PKD1L1: variants seen among roughly 807,000 people sequenced by gnomAD.
PKD1L1 encodes polycystin-1-like protein 1.
Under a neutral mutation model 323.4 loss-of-function variants are expected in PKD1L1, and 236 were observed. The ratio of observed to expected loss-of-function variants is 0.73; its 90% CI spans 0.66 to 0.81. The LOEUF (loss-of-function observed/expected upper bound fraction) is 0.81. Among genes scored for constraint, PKD1L1 ranks in the 40% least tolerant of loss-of-function variants. PKD1L1 has a pLI of 0.00. For missense variants in PKD1L1, 3,320 were observed against 3,508.0 expected (o/e 0.95, Z 1.35); for synonymous variants, 1,344 against 1,335.0 (o/e 1.01, Z -0.15).
Position 47,908,244 on chromosome 7 carries a change from A to C in PKD1L1, c.1235T>G (p.Val412Gly). 6.2e-7 allele frequency: 1 copy of C among 1,611,154 alleles called. No individual in the cohort carries two copies. The highest frequency in any genetic ancestry group is 8.5e-7 in the Non-Finnish European group (1 of 1,178,896). The change falls in exon 9 of 57, where the codon GTC becomes GGC. Residue 412 changes from valine to glycine, a missense_variant. Physicochemically the swap from Val to Gly is moderately radical, Grantham distance 109 (BLOSUM62 -3). Transcript: ENST00000289672. ...ELISAFVTKG[V>G]YMLKAVIYNE... ...ATAAATAACAGCCTTGAGCATATAG[A>C]CTCCTTCTGGAAAAATAAGAATGAA...
At chr7:47,941,141 C>A (rs889259672) in intron 2 of PKD1L1, among the ~76,000 whole-genome samples, 3 of 152,226 alleles carry the variant, frequency 2.0e-5, no homozygotes, top group Admixed American at 6.5e-5. Context: ...CCCTCTCATC[C>A]CCAGGTAGGA....
rs1554412801 is a variant in PKD1L1 at position 47,920,300 on chromosome 7, A to AAAC, written c.1061-4702_1061-4701insGTT. Among the ~76,000 whole-genome samples, 5 of 135,250 alleles carry AAAC rather than the reference A, an allele frequency of 3.7e-5. No homozygotes were observed. In the East Asian group the frequency reaches 9.8e-4, roughly 26 times the overall value. The allele number at this position is 135,250 out of a possible 152,430, so 88.7% of individuals were successfully genotyped here. ...AAACCAAAACAAACAAACAAAAACA[A>AAAC]AAAAAAAAAACCACTTAGGAATATA... On this transcript the variant is annotated intron_variant, in intron 7 of 56. Coordinates refer to ENST00000289672, the MANE Select transcript of PKD1L1 (RefSeq NM_138295.5).
intron 8 of PKD1L1, among the ~76,000 whole-genome samples, chr7:47,910,759 C>T (rs952752719): frequency 1.3e-5 from 2 of 151,482 alleles, no homozygotes; most frequent in Admixed American, 6.6e-5. Flanking sequence ...TGGATTCAAG[C>T]GATTCTCCTG....
At chr7:47,796,234 G>A (rs1444507718) in intron 54 of PKD1L1, 84 bp from the exon 55 acceptor site, 2 of 1,231,230 alleles carry the variant, frequency 1.6e-6, no homozygotes, top group Admixed American at 2.7e-5. Context: ...CTATGCAATG[G>A]AGATTATATC....
At chr7:47,864,759 C>T (rs1583630671) in intron 26 of PKD1L1, among the ~76,000 whole-genome samples, 1 of 137,402 alleles carries the variant, frequency 7.3e-6, no homozygotes, top group East Asian at 2.6e-4. Context: ...CACTCTGTTG[C>T]CCAGGCTGGA....
chr7:47,822,955 T>C (rs927747748), intron 45 of PKD1L1, among the ~76,000 whole-genome samples: 10 of 97,492 alleles, frequency 1.0e-4, no homozygotes, highest in African/African-American at 4.0e-4. Context: ...CCAGAACCCT[T>C]TTTTTTTTTG....
intron 56 of PKD1L1, among the ~76,000 whole-genome samples, chr7:47,790,646 T>G (rs1214921050): frequency 2.6e-5 from 4 of 152,322 alleles, no homozygotes; most frequent in Admixed American, 2.6e-4. Flanking sequence ...TTAAATAATT[T>G]TAACTCACTT....
At chr7:47,905,714 T>C in intron 10 of PKD1L1, 129 bp downstream of exon 10, 2 of 1,292,130 alleles carry the variant, frequency 1.5e-6, no homozygotes, top group South Asian at 2.8e-5. Context: ...ACAAAGAACC[T>C]GTTCAATGAC....
chr7:47,791,429 C>T (rs1486410749), intron 56 of PKD1L1, among the ~76,000 whole-genome samples: 4 of 148,994 alleles, frequency 2.7e-5, no homozygotes, highest in East Asian at 2.0e-4. Flanking sequence ...GGAGTTCTTT[C>T]ATCTTGGCTT....
intron 28 of PKD1L1, among the ~76,000 whole-genome samples, chr7:47,855,886 A>AAAAAAAAAC (rs1785892517): frequency 6.7e-6 from 1 of 149,812 alleles, no homozygotes; most frequent in African/African-American, 2.5e-5. Context: ...AAAAAAAAAA[A>AAAAAAAAAC]AAAAAAAAAA....
At chr7:47,797,369 A>G (rs886464879) in intron 54 of PKD1L1, among the ~76,000 whole-genome samples, 4 of 152,222 alleles carry the variant, frequency 2.6e-5, no homozygotes, top group Admixed American at 6.5e-5. Flanking sequence ...TGTGTGTGTT[A>G]TCATCTCTTG....
rs549038991 is a variant in PKD1L1 at position 47,808,459 on chromosome 7, C to T, written c.7687-72G>A. The T allele has an allele frequency of 9.4e-5, 147 of 1,571,126 alleles. 1 individual carries two copies. Among genetic ancestry groups the T allele is most frequent in the Admixed American group, 5.4e-4 (31 of 57,836 alleles). ...CTTACCTGGCACCCCATGTGACACG[C>T]GTTTGTAAGTTACAGTCATGAGTCA... is the stretch of plus-strand genomic sequence containing the variant. On this transcript the variant is annotated intron_variant, in intron 51 of 56. Coordinates refer to ENST00000289672, the MANE Select transcript of PKD1L1 (RefSeq NM_138295.5).
At chr7:47,787,231 T>A (rs1446464223) in intron 56 of PKD1L1, among the ~76,000 whole-genome samples, 1 of 152,206 alleles carries the variant, frequency 6.6e-6, no homozygotes, top group South Asian at 2.1e-4. Flanking sequence ...TAAACTCATG[T>A]TGCAGAAACT....
chr7:47,865,601 T>TTTTATTTTATTTTATTTTA (rs1562964560), intron 25 of PKD1L1, among the ~76,000 whole-genome samples: 6 of 57,308 alleles, frequency 1.0e-4, no homozygotes, highest in African/African-American at 8.8e-4. Flanking sequence ...ATTTTATTTT[T>TTTTATTTTATTTTATTTTA]TTGAGACGGA....
chr7:47,865,290 C>A lies in PKD1L1; in HGVS notation c.4093-18G>T, dbSNP rs554348101. On this transcript the variant is annotated intron_variant, in intron 25 of 56. Coordinates refer to ENST00000289672, the MANE Select transcript of PKD1L1 (RefSeq NM_138295.5). Reference sequence around the variant, plus strand: ...ATTTCTTCCTGACCAGAAGAAACAACAATAAAACAAAAAGAAAATGCAAGG... The same window carrying A: ...ATTTCTTCCTGACCAGAAGAAACAAAAATAAAACAAAAAGAAAATGCAAGG... 6 of 1,606,260 alleles carry A rather than the reference C, an allele frequency of 3.7e-6. No homozygotes were observed. In the South Asian group the frequency reaches 6.7e-5, roughly 18 times the overall value.
intron 45 of PKD1L1, among the ~76,000 whole-genome samples, chr7:47,825,299 G>A (rs1031386817): frequency 2.6e-5 from 4 of 151,556 alleles, no homozygotes; most frequent in Admixed American, 6.6e-5. Flanking sequence ...GGAGGTTGAG[G>A]TGGGTGGATC....
Position 47,908,090 on chromosome 7 carries a change from T to C in PKD1L1, c.1389A>G (p.Gln463=), listed in dbSNP as rs187411373. The change falls in exon 9 of 57, where the codon CAA becomes CAG. Residue 463 remains glutamine (Q), a synonymous_variant. Transcript: ENST00000289672. ...CATACGTCTTACTTTTCTGATTCAC[T>C]TGGGAGTCAGCAAAGACAAGCACTT... ...EDEVLVFADS[Q]VNQKSTVVIH... 2.5e-5 allele frequency: 40 copies of C among 1,613,776 alleles called. No individual in the cohort carries two copies. In the African/African-American group the frequency reaches 4.4e-4, roughly 18 times the overall value.
chr7:47,848,536 G>A (rs909042355), intron 31 of PKD1L1, among the ~76,000 whole-genome samples: 1 of 152,298 alleles, frequency 6.6e-6, no homozygotes, highest in Non-Finnish European at 1.5e-5. Context: ...GAGGCTGGGC[G>A]CAGTGGCTCA....
intron 21 of PKD1L1, among the ~76,000 whole-genome samples, chr7:47,878,205 A>G (rs1392253831): frequency 6.6e-6 from 1 of 152,222 alleles, no homozygotes; most frequent in East Asian, 1.9e-4. Flanking sequence ...CCATGTTGAC[A>G]TAGAGCATCC....
Sources: gnomAD v4.1 joint callset for allele counts (sites outside exome capture counted in the v4.1 genomes callset) on GRCh38, gnomAD v4.1.1 for gene constraint, MANE v1.5 for transcripts, NCBI Gene and HGNC (gene_info 2026-07-23, HGNC 2026-07-21) for gene names.